Variants in VPS53 observed in about 807,000 individuals in gnomAD.
The protein encoded by VPS53 is vacuolar protein sorting-associated protein 53 homolog.
In VPS53, 70 loss-of-function variants were observed where a neutral mutation model predicts 107.0. The observed-to-expected ratio is 0.65, with a 90% CI of 0.54 to 0.80. The LOEUF is 0.80. VPS53 is among the 30% of genes least tolerant of loss of function. VPS53 has a pLI of 0.00. For synonymous variants in VPS53, 409 were observed against 393.3 expected (o/e 1.04, Z -0.47); for missense variants, 917 against 1,049.4 (o/e 0.87, Z 1.74).
intron 8 of VPS53, among the ~76,000 whole-genome samples, chr17:628,449 T>G (rs1489324024): frequency 6.6e-6 from 1 of 152,220 alleles, no homozygotes; most frequent in Non-Finnish European, 1.5e-5. Context: ...AAAACTACCC[T>G]GTGAATCTGC....
At chr17:657,540 C>T (rs1406991834) in intron 5 of VPS53, 67 of 1,242,052 alleles carry the variant, frequency 5.4e-5, no homozygotes, top group South Asian at 1.1e-4. Context: ...CTTGGCACCA[C>T]GAGCCATGGC....
chr17:529,869 C>CA (rs59345629), intron 19 of VPS53, among the ~76,000 whole-genome samples: 21,993 of 122,130 alleles, frequency 0.18, 4,071 homozygotes, highest in African/African-American at 0.45. Context: ...CTATATCTAC[C>CA]AAAAAAAAAA....
At chr17:659,287 ATTTT>A (rs1183330259) in intron 5 of VPS53, among the ~76,000 whole-genome samples, 6 of 151,768 alleles carry the variant, frequency 4.0e-5, no homozygotes, top group Non-Finnish European at 8.8e-5. Flanking sequence ...TTATTTATTT[ATTTT>A]TTTATTTTTT....
chr17:544,043 A>AAGGGAGGG (rs1567611847), intron 17 of VPS53, among the ~76,000 whole-genome samples: 42 of 112,318 alleles, frequency 3.7e-4, no homozygotes, highest in Middle Eastern at 5.4e-3. Flanking sequence ...GGGAGGGAGG[A>AAGGGAGGG]AGGGAGGAAG....
At chr17:521,558 G>C (rs1908748387) in intron 20 of VPS53, 43 bp downstream of exon 20, 1 of 1,493,298 alleles carries the variant, frequency 6.7e-7, no homozygotes, top group East Asian at 2.5e-5. Flanking sequence ...CTCAGAAAAA[G>C]AGATTAAATA....
At chr17:689,637 C>T (rs2143849593) in intron 4 of VPS53, among the ~76,000 whole-genome samples, 1 of 152,072 alleles carries the variant, frequency 6.6e-6, no homozygotes, top group East Asian at 1.9e-4. Context: ...CTGCATCTGG[C>T]TAATTTTTGT....
At chr17:622,547 C>T (rs1342887665) in intron 11 of VPS53, among the ~76,000 whole-genome samples, 1 of 152,128 alleles carries the variant, frequency 6.6e-6, no homozygotes, top group African/African-American at 2.4e-5. Flanking sequence ...GATGAGTCAG[C>T]TACAATTCCT....
At chr17:621,236 G>C (rs1484114821) in intron 11 of VPS53, among the ~76,000 whole-genome samples, 3 of 152,146 alleles carry the variant, frequency 2.0e-5, no homozygotes, top group Non-Finnish European at 2.9e-5. Context: ...TGGGATGACA[G>C]GCGTGAGCTG....
chr17:642,267 G>A (rs1438802100), intron 7 of VPS53, among the ~76,000 whole-genome samples: 1 of 152,204 alleles, frequency 6.6e-6, no homozygotes, highest in African/African-American at 2.4e-5. Flanking sequence ...ACACTTCTGA[G>A]ATCACCAAGG....
chr17:525,476 G>C (rs1909060947), intron 19 of VPS53, among the ~76,000 whole-genome samples: 1 of 151,888 alleles, frequency 6.6e-6, no homozygotes, highest in East Asian at 1.9e-4. Context: ...ATCACTTGAG[G>C]CTACGAATTC....
chr17:552,096 G>T, intron 16 of VPS53, 146 bp from the exon 17 acceptor site: 1 of 694,728 alleles, frequency 1.4e-6, no homozygotes, highest in Non-Finnish European at 2.3e-6. Flanking sequence ...GAACAGCTTG[G>T]CTCTTTCTTC....
chr17:539,535 G>A lies in VPS53; in HGVS notation c.1867-2359C>T, dbSNP rs75373039. ...AAAGTACTAGAAAACAATAAAAGGTGACCTTACCTTTAGTATTTTTTAAAA... is the reference window on the plus strand; with the variant it reads ...AAAGTACTAGAAAACAATAAAAGGTAACCTTACCTTTAGTATTTTTTAAAA... On this transcript the variant is annotated intron_variant, in intron 17 of 21. Transcript: ENST00000437048. Among the ~76,000 whole-genome samples, 1,513 of 152,274 alleles carry A rather than the reference G, an allele frequency of 9.9e-3. 19 individuals carry two copies. The highest frequency in any genetic ancestry group is 0.034 in the African/African-American group (1,403 of 41,548).
intron 13 of VPS53, among the ~76,000 whole-genome samples, chr17:578,558 G>C (rs577364927): frequency 6.9e-5 from 10 of 144,032 alleles, no homozygotes; most frequent in African/African-American, 2.4e-4. Flanking sequence ...AATTTAATGC[G>C]TTCCCAGAGA....
At chr17:681,028 T>G (rs1238393008) in intron 4 of VPS53, among the ~76,000 whole-genome samples, 1 of 152,258 alleles carries the variant, frequency 6.6e-6, no homozygotes, top group Non-Finnish European at 1.5e-5. Flanking sequence ...TTAATCCATT[T>G]AAACATGACA....
At chr17:560,369 C>A in intron 15 of VPS53, 57 bp downstream of exon 15, 1 of 1,565,632 alleles carries the variant, frequency 6.4e-7, no homozygotes, top group Admixed American at 1.8e-5. Flanking sequence ...CGCCGAGCGA[C>A]GCAGCCCAGA....
At chr17:595,265 C>G (rs1466241491) in intron 12 of VPS53, among the ~76,000 whole-genome samples, 1 of 76,858 alleles carries the variant, frequency 1.3e-5, no homozygotes, top group Non-Finnish European at 3.0e-5. Context: ...CTGGAGGAAG[C>G]TGGGAGATGG....
chr17:587,030 C>A (rs1275702148), intron 12 of VPS53, among the ~76,000 whole-genome samples: 1 of 151,996 alleles, frequency 6.6e-6, no homozygotes, highest in Non-Finnish European at 1.5e-5. Flanking sequence ...TCTATTCTTA[C>A]CACGAGTTCC....
chr17:708,797 A>C lies in VPS53; in HGVS notation c.168+1736T>G, dbSNP rs552797069. ...TATGGCCTGGTTTTTCCTTGGTCGT[A>C]ATAATGAAACAAAGATTAATACTAA... is the stretch of plus-strand genomic sequence containing the variant. On this transcript the variant is annotated intron_variant, in intron 2 of 21. Coordinates refer to ENST00000437048, the MANE Select transcript of VPS53 (RefSeq NM_001128159.3). 7.2e-5 allele frequency among the ~76,000 whole-genome samples: 11 copies of C among 152,364 alleles called. No homozygotes were observed. The South Asian group carries it at 2.3e-3, about 32-fold the overall frequency.
chr17:553,357 G>C (rs770449475), intron 16 of VPS53, 23 bp downstream of exon 16: 5 of 1,611,246 alleles, frequency 3.1e-6, no homozygotes, highest in Non-Finnish European at 4.2e-6. Context: ...CAGGCAGCCA[G>C]TAAGTGTGTG....
Sources: gnomAD v4.1 joint callset for allele counts (sites outside exome capture counted in the v4.1 genomes callset) on GRCh38, gnomAD v4.1.1 for gene constraint, MANE v1.5 for transcripts, NCBI Gene and HGNC (gene_info 2026-07-23, HGNC 2026-07-21) for gene names.